The following ESRRG variants were observed in gnomAD, a reference collection of about 807,000 sequenced individuals.
The protein encoded by ESRRG is estrogen-related receptor gamma.
ESRRG carries 13 observed loss-of-function variants against 44.0 expected under a neutral mutation model. The observed-to-expected ratio is 0.30, with a 90% confidence interval of 0.19 to 0.47. The LOEUF is 0.47. ESRRG is among the 20% of genes least tolerant of loss of function. The pLI is 1.00. For missense variants in ESRRG, 395 were observed against 580.6 expected (o/e 0.68, Z 3.29); for synonymous variants, 215 against 214.6 (o/e 1.00, Z -0.02).
intron 2 of ESRRG, among the ~76,000 whole-genome samples, chr1:216,882,692 G>T (rs1450462985): frequency 6.6e-6 from 1 of 152,018 alleles, no homozygotes; most frequent in Non-Finnish European, 1.5e-5. Context: ...AAAATGGGTG[G>T]GGGTAGAAGG....
At chr1:216,691,779 TCAA>T (rs2079091490) in intron 1 of ESRRG, among the ~76,000 whole-genome samples, 1 of 152,144 alleles carries the variant, frequency 6.6e-6, no homozygotes, top group Non-Finnish European at 1.5e-5. Context: ...GCCTTACTCT[TCAA>T]CCTCAGCCTT....
chr1:216,997,319 C>A (rs905978666), intron 1 of ESRRG, among the ~76,000 whole-genome samples: 16 of 152,158 alleles, frequency 1.1e-4, no homozygotes, highest in Admixed American at 1.0e-3. Flanking sequence ...TAAAGACAAC[C>A]CTGCAGAACA....
At chr1:216,870,640 A>G (rs1466932539) in intron 2 of ESRRG, among the ~76,000 whole-genome samples, 1 of 151,934 alleles carries the variant, frequency 6.6e-6, no homozygotes, top group East Asian at 1.9e-4. Context: ...GGGCCTGGAG[A>G]TTTCTTTGGC....
chr1:216,693,343 G>A (rs974885719), intron 1 of ESRRG, among the ~76,000 whole-genome samples: 1 of 152,168 alleles, frequency 6.6e-6, no homozygotes, highest in African/African-American at 2.4e-5. Flanking sequence ...TGTTGGCCAG[G>A]TTGGTCTTGA....
At chr1:216,993,628 G>A (rs1307936263) in intron 1 of ESRRG, among the ~76,000 whole-genome samples, 1 of 152,112 alleles carries the variant, frequency 6.6e-6, no homozygotes, top group East Asian at 1.9e-4. Flanking sequence ...CAGATCCAAG[G>A]TTAAGGTGAC....
chr1:216,578,653 C>A (rs1047325918), intron 3 of ESRRG, among the ~76,000 whole-genome samples: 2 of 152,222 alleles, frequency 1.3e-5, no homozygotes, highest in East Asian at 1.9e-4. Context: ...ACTCTATATA[C>A]CATTACTGAA....
chr1:217,068,415 A>C (rs1445795355), intron 1 of ESRRG, among the ~76,000 whole-genome samples: 1 of 151,428 alleles, frequency 6.6e-6, no homozygotes, highest in East Asian at 1.9e-4. Flanking sequence ...CTTCATACTT[A>C]ATCTCCAGTC....
intron 2 of ESRRG, among the ~76,000 whole-genome samples, chr1:216,828,302 T>C (rs1179431883): frequency 5.3e-5 from 8 of 152,200 alleles, no homozygotes. Context: ...TTTTGTTTGG[T>C]TGGTTTGGGT....
chr1:216,626,437 C>T (rs748766987), intron 3 of ESRRG, among the ~76,000 whole-genome samples: 3 of 152,200 alleles, frequency 2.0e-5, no homozygotes, highest in African/African-American at 7.2e-5. Context: ...CATCTGCAGT[C>T]CAGATCTCTT....
chr1:216,845,926 A>T (rs1393486248), intron 2 of ESRRG, among the ~76,000 whole-genome samples: 1 of 152,162 alleles, frequency 6.6e-6, no homozygotes, highest in Non-Finnish European at 1.5e-5. Flanking sequence ...AGGGAAAGAA[A>T]GCTGCGTTTC....
chr1:216,853,782 T>A (rs1179234925), intron 2 of ESRRG, among the ~76,000 whole-genome samples: 1 of 152,246 alleles, frequency 6.6e-6, no homozygotes, highest in African/African-American at 2.4e-5. Flanking sequence ...TTCATCTGTT[T>A]TATTTCATCT....
chr1:216,637,694 C>G (rs557538658), intron 3 of ESRRG, among the ~76,000 whole-genome samples: 13 of 152,196 alleles, frequency 8.5e-5, no homozygotes, highest in Admixed American at 2.0e-4. Flanking sequence ...TAGAATAAGT[C>G]TTAGTTGTTA....
At chr1:217,064,311 G>A (rs571081683) in intron 1 of ESRRG, among the ~76,000 whole-genome samples, 43 of 151,964 alleles carry the variant, frequency 2.8e-4, no homozygotes, top group East Asian at 7.7e-4. Flanking sequence ...ATATATGTGC[G>A]TATATATAAG....
chr1:217,015,818 C>T (rs1463309678), intron 1 of ESRRG, among the ~76,000 whole-genome samples: 2 of 151,454 alleles, frequency 1.3e-5, no homozygotes, highest in Non-Finnish European at 2.9e-5. Context: ...CAACCTCCAC[C>T]TCCCAGGTTC....
intron 1 of ESRRG, among the ~76,000 whole-genome samples, chr1:216,946,726 C>CT (rs888253082): frequency 2.0e-4 from 30 of 151,208 alleles, no homozygotes; most frequent in South Asian, 2.1e-4. Flanking sequence ...TTCTTTCTTT[C>CT]TTTGTTTTTT....
intron 1 of ESRRG, among the ~76,000 whole-genome samples, chr1:216,976,153 T>C (rs1285947809): frequency 6.6e-6 from 1 of 151,884 alleles, no homozygotes; most frequent in African/African-American, 2.4e-5. Context: ...ATCCAAAAAG[T>C]TTGAAAAAAA....
intron 1 of ESRRG, among the ~76,000 whole-genome samples, chr1:217,112,154 C>A (rs2092668591): frequency 6.6e-6 from 1 of 152,170 alleles, no homozygotes; most frequent in Non-Finnish European, 1.5e-5. Context: ...AAGAACTATC[C>A]AGCCAAACAC....
intron 3 of ESRRG, among the ~76,000 whole-genome samples, chr1:216,602,767 C>T (rs189358578): frequency 9.9e-5 from 15 of 152,180 alleles, no homozygotes; most frequent in African/African-American, 2.9e-4. Flanking sequence ...ACAGTTTAAC[C>T]GAACACTGAA....
chr1:216,892,519 A>G (rs1052489238), intron 2 of ESRRG, among the ~76,000 whole-genome samples: 3 of 152,162 alleles, frequency 2.0e-5, no homozygotes, highest in African/African-American at 7.2e-5. Flanking sequence ...TGGTATTTCA[A>G]GCTATGAGGA....
Sources: allele counts gnomAD v4.1 joint callset (sites outside exome capture counted in the v4.1 genomes callset), GRCh38; gene constraint gnomAD v4.1.1; transcripts MANE v1.5; gene names NCBI Gene and HGNC (gene_info 2026-07-23, HGNC 2026-07-21).